The following CHRDL1 variants were observed in gnomAD, a reference collection of about 807,000 sequenced individuals.
The protein encoded by CHRDL1 is chordin-like protein 1.
CHRDL1 carries 19 observed loss-of-function variants against 40.9 expected under a neutral mutation model. That is an observed-to-expected ratio of 0.46 (90% CI 0.32 to 0.68). CHRDL1 has a LOEUF of 0.68. Among genes scored for constraint, CHRDL1 ranks in the 30% least tolerant of loss-of-function variants. CHRDL1 has a pLI of 0.03. For missense variants in CHRDL1, 329 were observed against 352.1 expected, an observed-to-expected ratio of 0.93 and a Z score of 0.53; for synonymous variants, 136 against 123.4, an observed-to-expected ratio of 1.10 and a Z score of -0.68.
chrX:110,775,367 T>C (rs1377624431), intron 2 of CHRDL1, among the ~76,000 whole-genome samples: 2 of 111,684 alleles, frequency 1.8e-5, no homozygotes, highest in Admixed American at 9.5e-5. Context: ...TCACCTGCAA[T>C]GGTTGGTCAC....
chrX:110,743,373 C>T (rs1219807028), intron 4 of CHRDL1, among the ~76,000 whole-genome samples: 1 of 112,273 alleles, frequency 8.9e-6, no homozygotes, highest in Non-Finnish European at 1.9e-5. Flanking sequence ...ACACTTTCCA[C>T]ATTGTCTCTG....
At chrX:110,739,137 C>G (rs1217081574) in intron 4 of CHRDL1, among the ~76,000 whole-genome samples, 1 of 112,169 alleles carries the variant, frequency 8.9e-6, no homozygotes, top group East Asian at 2.8e-4. Context: ...GTCTTCTGTT[C>G]AACCAAGGCC....
intron 2 of CHRDL1, among the ~76,000 whole-genome samples, chrX:110,777,782 T>C (rs185640192): frequency 6.0e-4 from 67 of 111,875 alleles, no homozygotes; most frequent in African/African-American, 1.9e-3. Context: ...CTCTTGCAAA[T>C]ATTTTTCCCA....
At position 110,759,644 on chromosome X, in the gene CHRDL1, G is replaced by C. The variant is rs2089524311; in HGVS notation, c.301+17C>G. 3 of 1,098,410 alleles carry C rather than the reference G, an allele frequency of 2.7e-6. No individual in the cohort carries two copies. The highest frequency in any genetic ancestry group is 3.8e-6 in the Non-Finnish European group (3 of 793,479). The allele number at this position is 1,098,410 out of a possible 1,213,427, so 90.5% of individuals were successfully genotyped here. ...TGGAGAACCACAGCTAGGAAAGAAA[G>C]AGACAAATTGCTTTACCTGGGCAGC... is the stretch of plus-strand genomic sequence containing the variant. On this transcript the variant is annotated intron_variant, in intron 4 of 11. Transcript: ENST00000372042.
At chrX:110,708,073 G>A (rs3005577) in intron 6 of CHRDL1, among the ~76,000 whole-genome samples, 8,508 of 111,065 alleles carry the variant, frequency 0.077, 801 homozygotes, top group African/African-American at 0.27. Context: ...TTAGAGAAGT[G>A]CAAATCAAAA....
intron 4 of CHRDL1, among the ~76,000 whole-genome samples, chrX:110,735,423 C>T (rs1051026841): frequency 4.5e-5 from 5 of 111,697 alleles, no homozygotes. Context: ...AGAAACACTC[C>T]TTGGAAAGCA....
intron 2 of CHRDL1, among the ~76,000 whole-genome samples, chrX:110,788,824 G>A (rs184028945): frequency 1.8e-5 from 2 of 111,564 alleles, no homozygotes; most frequent in Non-Finnish European, 3.8e-5. Flanking sequence ...CCTACCATCC[G>A]GAGATTTAAA....
chrX:110,722,163 A>G (rs1379893647), intron 4 of CHRDL1, among the ~76,000 whole-genome samples: 1 of 101,444 alleles, frequency 9.9e-6, no homozygotes, highest in Non-Finnish European at 2.0e-5. Context: ...ACGCCTGGCT[A>G]TTTTTTTTTT....
At chrX:110,695,164 C>G (rs2070361594) in intron 7 of CHRDL1, among the ~76,000 whole-genome samples, 1 of 110,965 alleles carries the variant, frequency 9.0e-6, no homozygotes, top group South Asian at 3.8e-4. Context: ...TACTTAGACT[C>G]TAAAGACAGG....
intron 1 of CHRDL1, among the ~76,000 whole-genome samples, chrX:110,795,372 G>A (rs1043595949): frequency 8.9e-6 from 1 of 112,122 alleles, no homozygotes; most frequent in African/African-American, 3.2e-5. Flanking sequence ...GTATTCATCA[G>A]CAAAATGAGA....
At chrX:110,762,645 C>T (rs766275904) in intron 3 of CHRDL1, 50 bp downstream of exon 3, 24 of 726,839 alleles carry the variant, frequency 3.3e-5, no homozygotes, top group South Asian at 3.3e-4. Flanking sequence ...GAAAGCCTCT[C>T]GGCATGCTGA....
At chrX:110,738,138 G>A (rs1017229777) in intron 4 of CHRDL1, among the ~76,000 whole-genome samples, 4 of 112,274 alleles carry the variant, frequency 3.6e-5, no homozygotes, top group South Asian at 3.7e-4. Context: ...GAACATAAAA[G>A]TGCTTTCTCC....
At chrX:110,730,951 G>A (rs1480833) in intron 4 of CHRDL1, among the ~76,000 whole-genome samples, 12,386 of 110,994 alleles carry the variant, frequency 0.11, 1,685 homozygotes, top group African/African-American at 0.39. Context: ...CCCACCCTTC[G>A]TTGCCCAGCT....
chrX:110,772,244 T>C (rs2089772725), intron 2 of CHRDL1, among the ~76,000 whole-genome samples: 1 of 112,727 alleles, frequency 8.9e-6, no homozygotes, highest in Non-Finnish European at 1.9e-5. Flanking sequence ...TGATCTTTTA[T>C]AAAAATTGGT....
chrX:110,784,986 C>T (rs1488127573), intron 2 of CHRDL1, among the ~76,000 whole-genome samples: 1 of 111,830 alleles, frequency 8.9e-6, no homozygotes, highest in African/African-American at 3.2e-5. Context: ...AGGCTAATAT[C>T]ATCTCTTCCA....
intron 6 of CHRDL1, among the ~76,000 whole-genome samples, chrX:110,710,546 A>G (rs1050169278): frequency 9.8e-5 from 11 of 112,405 alleles, no homozygotes; most frequent in African/African-American, 3.6e-4. Context: ...CTCAATGTGA[A>G]AGTCAACGCT....
chrX:110,741,786 C>T (rs112565046), intron 4 of CHRDL1, among the ~76,000 whole-genome samples: 6 of 111,814 alleles, frequency 5.4e-5, no homozygotes, highest in African/African-American at 2.0e-4. Context: ...TATCTTAGTA[C>T]CAGATCACTC....
chrX:110,679,678 A>G (rs1477365290), intron 10 of CHRDL1, among the ~76,000 whole-genome samples: 1 of 111,558 alleles, frequency 9.0e-6, no homozygotes, highest in Non-Finnish European at 1.9e-5. Flanking sequence ...GCTGCTGACC[A>G]TGGGACTCTC....
At chrX:110,731,180 T>C (rs777678134) in intron 4 of CHRDL1, among the ~76,000 whole-genome samples, 24 of 111,456 alleles carry the variant, frequency 2.2e-4, no homozygotes, top group Non-Finnish European at 2.1e-4. Flanking sequence ...GGGCCCTATC[T>C]TTCCCAGAGG....
Sources: gnomAD v4.1 joint callset for allele counts (sites outside exome capture counted in the v4.1 genomes callset) on GRCh38, gnomAD v4.1.1 for gene constraint, MANE v1.5 for transcripts, NCBI Gene and HGNC (gene_info 2026-07-23, HGNC 2026-07-21) for gene names.